The following GRIP1 variants were observed in gnomAD, a reference collection of about 807,000 sequenced individuals.
The protein encoded by GRIP1 is glutamate receptor-interacting protein 1.
In GRIP1, 45 loss-of-function variants were observed where a neutral mutation model predicts 129.9. The observed-to-expected ratio is 0.35, with a 90% CI of 0.27 to 0.44. The LOEUF (loss-of-function observed/expected upper bound fraction) is 0.44, where lower values mean the gene tolerates loss of function less well. Among genes scored for constraint, GRIP1 ranks in the 20% least tolerant of loss-of-function variants. The pLI, the probability that GRIP1 is intolerant of heterozygous loss-of-function variation, is 1.00. For synonymous variants in GRIP1, 530 were observed against 520.8 expected (o/e 1.02, Z -0.24); for missense variants, 1,196 against 1,396.8 (o/e 0.86, Z 2.29).
chr12:66,376,912 G>T, intron 22 of GRIP1, 105 bp downstream of exon 22: 1 of 825,594 alleles, frequency 1.2e-6, no homozygotes, highest in Non-Finnish European at 2.2e-6. Context: ...TGGAGATGGG[G>T]ATATACTTTT....
At chr12:66,918,741 C>T (rs1238556189) in intron 1 of GRIP1, among the ~76,000 whole-genome samples, 2 of 152,062 alleles carry the variant, frequency 1.3e-5, no homozygotes, top group Non-Finnish European at 2.9e-5. Flanking sequence ...AGAGTAATAT[C>T]ATCAAAATAA....
Position 67,064,570 on chromosome 12 carries a change from C to T in GRIP1, c.58+4480G>A, listed in dbSNP as rs148616191. ...ACAAAGCAGGCCCTAGATTTCTTTG[C>T]TTTCTTCTCTTTTACCTACTTTGTT... On this transcript the variant is annotated intron_variant, in intron 1 of 1. Coordinates refer to the GRIP1 transcript ENST00000643019. Among the ~76,000 whole-genome samples the T allele has an allele frequency of 6.2e-3, 941 of 152,244 alleles. 11 individuals are homozygous for T. The highest frequency in any genetic ancestry group is 0.02 in the African/African-American group (851 of 41,552).
At chr12:66,363,200 C>CATATATAT (rs35452357) in intron 23 of GRIP1, among the ~76,000 whole-genome samples, 18 of 88,252 alleles carry the variant, frequency 2.0e-4, no homozygotes, top group African/African-American at 6.5e-4. Flanking sequence ...TGTGTGTGTC[C>CATATATAT]ATATATATAT....
intron 2 of GRIP1, among the ~76,000 whole-genome samples, chr12:66,561,733 A>G (rs939887512): frequency 1.3e-5 from 2 of 152,048 alleles, no homozygotes; most frequent in Non-Finnish European, 1.5e-5. Context: ...GCTTAAAAAA[A>G]TATATATATT....
At chr12:66,377,328 A>ATTTT (rs35635542) in intron 20 of GRIP1, 43 bp from the exon 21 acceptor site, 8 of 1,028,736 alleles carry the variant, frequency 7.8e-6, no homozygotes, top group Admixed American at 1.8e-5. Context: ...CTTGCCAGAC[A>ATTTT]TTTTTTTTTT....
chr12:66,975,369 A>C (rs1348406141), intron 1 of GRIP1, among the ~76,000 whole-genome samples: 1 of 152,224 alleles, frequency 6.6e-6, no homozygotes, highest in Non-Finnish European at 1.5e-5. Flanking sequence ...GACTAAACGA[A>C]GGCTCTCTCC....
chr12:67,015,481 A>G (rs777246712), intron 1 of GRIP1, among the ~76,000 whole-genome samples: 1 of 152,192 alleles, frequency 6.6e-6, no homozygotes, highest in Non-Finnish European at 1.5e-5. Flanking sequence ...TGGCATCTTC[A>G]CTACAACTTG....
intron 1 of GRIP1, among the ~76,000 whole-genome samples, chr12:66,853,062 GA>G (rs556538176): frequency 9.2e-4 from 140 of 151,850 alleles, no homozygotes; most frequent in Non-Finnish European, 1.9e-3. Context: ...CAATAAGCAT[GA>G]AAAGTAACAG....
chr12:66,435,817 A>G (rs2058287370), intron 13 of GRIP1, among the ~76,000 whole-genome samples: 1 of 152,238 alleles, frequency 6.6e-6, no homozygotes, highest in Non-Finnish European at 1.5e-5. Flanking sequence ...TGACTACATG[A>G]GATTTGAAAT....
intron 1 of GRIP1, among the ~76,000 whole-genome samples, chr12:67,063,741 T>C (rs1158461617): frequency 6.6e-6 from 1 of 152,242 alleles, no homozygotes; most frequent in Non-Finnish European, 1.5e-5. Flanking sequence ...GATTCAATTC[T>C]CAAATTCTTT....
intron 1 of GRIP1, among the ~76,000 whole-genome samples, chr12:66,730,793 C>A (rs2036413286): frequency 6.6e-6 from 1 of 150,648 alleles, no homozygotes; most frequent in African/African-American, 2.4e-5. Context: ...AACTGTTATG[C>A]AGGAAAAGTA....
chr12:67,001,337 A>C (rs761587703), intron 1 of GRIP1, among the ~76,000 whole-genome samples: 2 of 152,146 alleles, frequency 1.3e-5, no homozygotes, highest in Non-Finnish European at 2.9e-5. Flanking sequence ...TAAAAGAAAG[A>C]GGGGAAAAAA....
intron 1 of GRIP1, among the ~76,000 whole-genome samples, chr12:66,698,638 G>A (rs1474087596): frequency 6.6e-6 from 1 of 152,020 alleles, no homozygotes; most frequent in Non-Finnish European, 1.5e-5. Context: ...TTGTTTGTTC[G>A]GTGAAGATAA....
intron 7 of GRIP1, among the ~76,000 whole-genome samples, chr12:66,483,112 C>T (rs918919697): frequency 6.6e-6 from 1 of 152,152 alleles, no homozygotes; most frequent in African/African-American, 2.4e-5. Flanking sequence ...ATTAGAACCT[C>T]CCGGGGGTAG....
At chr12:66,944,441 CTTAG>C (rs749627562) in intron 1 of GRIP1, among the ~76,000 whole-genome samples, 4 of 150,840 alleles carry the variant, frequency 2.7e-5, no homozygotes, top group African/African-American at 7.3e-5. Flanking sequence ...ACTGATCCAC[CTTAG>C]TTAGAGCATT....
chr12:66,609,573 A>G (rs2064699426), intron 1 of GRIP1, among the ~76,000 whole-genome samples: 1 of 152,208 alleles, frequency 6.6e-6, no homozygotes, highest in Non-Finnish European at 1.5e-5. Flanking sequence ...TTATTCAGAC[A>G]TATAATTTCC....
chr12:66,517,704 A>G (rs975597637), intron 6 of GRIP1, among the ~76,000 whole-genome samples, 197 bp downstream of exon 6: 7 of 152,250 alleles, frequency 4.6e-5, no homozygotes, highest in African/African-American at 1.7e-4. Flanking sequence ...CTTGACAAAG[A>G]TATAGTAAGT....
At chr12:66,352,791 C>T (rs1312928412) in intron 24 of GRIP1, among the ~76,000 whole-genome samples, 1 of 151,494 alleles carries the variant, frequency 6.6e-6, no homozygotes, top group African/African-American at 2.4e-5. Flanking sequence ...GTCATCAACC[C>T]TCCAATTAGT....
intron 1 of GRIP1, among the ~76,000 whole-genome samples, chr12:66,785,343 C>CACATATATAT (rs1555237393): frequency 1.4e-5 from 1 of 72,780 alleles, no homozygotes; most frequent in Non-Finnish European, 2.8e-5. Flanking sequence ...TACATACATA[C>CACATATATAT]ATATATATAT....
Sources: allele counts gnomAD v4.1 joint callset (sites outside exome capture counted in the v4.1 genomes callset), GRCh38; gene constraint gnomAD v4.1.1; transcripts MANE v1.5; gene names NCBI Gene and HGNC (gene_info 2026-07-23, HGNC 2026-07-21).